The following MAP4 variants were observed in gnomAD, a reference collection of about 807,000 sequenced individuals.
The protein encoded by MAP4 is microtubule-associated protein 4.
Under a neutral mutation model 170.2 loss-of-function variants are expected in MAP4, and 76 were observed. The observed-to-expected ratio is 0.45, with a 90% CI of 0.37 to 0.54. The LOEUF is 0.54. Among genes scored for constraint, MAP4 ranks in the 20% least tolerant of loss-of-function variants. MAP4 has a pLI of 0.00. For synonymous variants in MAP4, 909 were observed against 994.5 expected (o/e 0.91, Z 1.62); for missense variants, 2,506 against 2,748.0 (o/e 0.91, Z 1.97).
chr3:47,907,541 C>T (rs1311494763), intron 9 of MAP4, among the ~76,000 whole-genome samples: 3 of 152,168 alleles, frequency 2.0e-5, no homozygotes, highest in African/African-American at 7.2e-5. Context: ...CTCTGTAAGG[C>T]CACTGCTAAC....
chr3:47,962,850 A>C (rs757921079), intron 3 of MAP4, among the ~76,000 whole-genome samples: 16 of 152,210 alleles, frequency 1.1e-4, no homozygotes, highest in Non-Finnish European at 1.6e-4. Flanking sequence ...ACACAGAAAA[A>C]CTGAAGACCA....
At chr3:47,953,307 G>C (rs1324436243) in intron 3 of MAP4, among the ~76,000 whole-genome samples, 1 of 152,162 alleles carries the variant, frequency 6.6e-6, no homozygotes, top group South Asian at 2.1e-4. Flanking sequence ...TAGGAGGCTT[G>C]AGCCCAGGAG....
At position 47,853,317 on chromosome 3, in the gene MAP4, C is replaced by T. The variant is rs373955267; in HGVS notation, c.6732G>A (p.Pro2244=). The part of the protein sequence containing the change: ...EGGGSEAPLC[P]GPPAGEEPAI... ...CCGGCTCCTCCCCAGCAGGGGGACC[C>T]GGACACAGAGGAGCCTCGCTGCCAC... The change falls in exon 20 of 21, where the codon CCG becomes CCA. Residue 2244 remains proline (P), a synonymous_variant. Transcript: ENST00000683076. 6.1e-5 allele frequency: 98 copies of T among 1,610,746 alleles called. 1 individual carries two copies. In the Admixed American group the frequency reaches 1.1e-3, roughly 18 times the overall value.
At chr3:48,072,611 C>T (rs1192516368) in intron 1 of MAP4, among the ~76,000 whole-genome samples, 1 of 152,088 alleles carries the variant, frequency 6.6e-6, no homozygotes, top group African/African-American at 2.4e-5. Context: ...TTCTTAAATG[C>T]CTAACTTTAT....
intron 3 of MAP4, among the ~76,000 whole-genome samples, chr3:47,970,513 C>CA (rs1420126580): frequency 6.7e-6 from 1 of 149,322 alleles, no homozygotes; most frequent in Non-Finnish European, 1.5e-5. Context: ...CAAAAAAACC[C>CA]AAAAAACATC....
intron 17 of MAP4, among the ~76,000 whole-genome samples, chr3:47,864,693 C>T (rs576124386): frequency 6.6e-6 from 1 of 151,888 alleles, no homozygotes; most frequent in African/African-American, 2.4e-5. Context: ...AAAATAATAA[C>T]ATAACATAAC....
At chr3:47,964,703 T>A (rs941389691) in intron 3 of MAP4, among the ~76,000 whole-genome samples, 2 of 152,218 alleles carry the variant, frequency 1.3e-5, no homozygotes, top group Non-Finnish European at 2.9e-5. Context: ...ATTTAAGCAA[T>A]GTTGACATAT....
At chr3:48,088,329 C>T (rs991053478) in intron 1 of MAP4, among the ~76,000 whole-genome samples, 1 of 152,116 alleles carries the variant, frequency 6.6e-6, no homozygotes, top group East Asian at 1.9e-4. Flanking sequence ...CCTGACTGGA[C>T]ATACTAAGGC....
intron 17 of MAP4, 87 bp from the exon 18 acceptor site, chr3:47,857,599 T>TAAATAATAAATAAATAAA (rs1553720701): frequency 4.9e-4 from 437 of 895,530 alleles, no homozygotes; most frequent in East Asian, 8.9e-4. Flanking sequence ...CTTCTCCATG[T>TAAATAATAAATAAATAAA]TCAGGGTTTC....
At chr3:48,002,047 C>T (rs527815132) in intron 1 of MAP4, among the ~76,000 whole-genome samples, 44 of 151,862 alleles carry the variant, frequency 2.9e-4, no homozygotes, top group South Asian at 1.0e-3. Context: ...TCAAAAGATA[C>T]GTGTGACCCA....
chr3:47,956,644 A>G (rs1326701799), intron 3 of MAP4, among the ~76,000 whole-genome samples: 2 of 152,256 alleles, frequency 1.3e-5, no homozygotes, highest in Non-Finnish European at 2.9e-5. Flanking sequence ...AAACTCTCAG[A>G]ACAGGCACAG....
chr3:48,057,492 T>A (rs1169229000), intron 1 of MAP4, among the ~76,000 whole-genome samples: 1 of 133,912 alleles, frequency 7.5e-6, no homozygotes, highest in Non-Finnish European at 1.6e-5. Flanking sequence ...CAGGGTCCTC[T>A]GCCTAGGAAA....
At chr3:47,897,955 A>G (rs890363158) in intron 10 of MAP4, among the ~76,000 whole-genome samples, 1 of 151,318 alleles carries the variant, frequency 6.6e-6, no homozygotes, top group Non-Finnish European at 1.5e-5. Flanking sequence ...GGGGGGAAAA[A>G]AAAAAAAGAA....
At chr3:48,056,955 C>G (rs1450704306) in intron 1 of MAP4, among the ~76,000 whole-genome samples, 2 of 131,666 alleles carry the variant, frequency 1.5e-5, no homozygotes, top group Non-Finnish European at 3.3e-5. Context: ...GCCCCCCGCC[C>G]GGCCAGCCGC....
chr3:48,018,845 A>G (rs146920976), upstream of MAP4, among the ~76,000 whole-genome samples: 56 of 152,236 alleles, frequency 3.7e-4, no homozygotes, highest in Admixed American at 1.1e-3. Context: ...ATTTTCTTCC[A>G]CTTTCTAAAC....
intron 1 of MAP4, among the ~76,000 whole-genome samples, chr3:48,021,498 C>T (rs2154480808): frequency 6.6e-6 from 1 of 152,270 alleles, no homozygotes; most frequent in South Asian, 2.1e-4. Flanking sequence ...CAGGCGTGCG[C>T]CACCACATCC....
At chr3:48,011,269 G>A (rs895090414) in intron 1 of MAP4, among the ~76,000 whole-genome samples, 2 of 152,124 alleles carry the variant, frequency 1.3e-5, no homozygotes, top group Non-Finnish European at 2.9e-5. Flanking sequence ...ATCCCAGCCT[G>A]TAATCTCCCA....
rs1273736512 is a variant in MAP4 at position 47,910,978 on chromosome 3, G to A, written c.3443C>T (p.Pro1148Leu). The A allele has an allele frequency of 2.6e-6, 4 of 1,536,026 alleles. No individual in the cohort carries two copies. Among genetic ancestry groups the A allele is most frequent in the Non-Finnish European group, 3.5e-6 (4 of 1,146,914 alleles). ...VMGEPKEMTQ[P>L]KVAGTMQALI... ...TGCCTGCATGGTGCCTGCCACCTTA[G>A]GCTGAGTCATCTCTTTAGGCTCCCC... Residue 1148 changes from proline to leucine, a missense_variant, in exon 9 of 21, where the codon CCT becomes CTT. Coordinates refer to ENST00000683076, the MANE Select transcript of MAP4 (RefSeq NM_001385682.1).
intron 1 of MAP4, among the ~76,000 whole-genome samples, chr3:48,013,303 T>TA (rs374928259): frequency 0.022 from 3,251 of 147,970 alleles, 64 homozygotes; most frequent in Admixed American, 0.033. Context: ...GCATTTACTC[T>TA]AAAAAAAAAA....
Sources: gnomAD v4.1 joint callset for allele counts (sites outside exome capture counted in the v4.1 genomes callset) on GRCh38, gnomAD v4.1.1 for gene constraint, MANE v1.5 for transcripts, NCBI Gene and HGNC (gene_info 2026-07-23, HGNC 2026-07-21) for gene names.